Variants in IL1RAPL2 observed in about 807,000 individuals in gnomAD.
IL1RAPL2 encodes X-linked interleukin-1 receptor accessory protein-like 2.
In IL1RAPL2, 3 loss-of-function variants were observed where a neutral mutation model predicts 44.1. The observed-to-expected ratio is 0.07, with a 90% CI of 0.03 to 0.18. The LOEUF (loss-of-function observed/expected upper bound fraction) is 0.18, where lower values mean the gene tolerates loss of function less well. Among genes scored for constraint, IL1RAPL2 ranks in the 10% least tolerant of loss-of-function variants. The probability of loss-of-function intolerance (pLI) is 1.00; values close to 1 mark genes in which losing one functional copy is unlikely to be tolerated. For missense variants in IL1RAPL2, 391 were observed against 496.4 expected (o/e 0.79, Z 2.02); for synonymous variants, 181 against 178.8 (o/e 1.01, Z -0.10).
intron 2 of IL1RAPL2, among the ~76,000 whole-genome samples, chrX:105,160,760 A>G (rs1488768294): frequency 1.8e-5 from 2 of 112,023 alleles, no homozygotes; most frequent in Non-Finnish European, 3.8e-5. Context: ...CCAAAAAGGC[A>G]TCTAGGTTTC....
intron 2 of IL1RAPL2, among the ~76,000 whole-genome samples, chrX:104,896,268 AG>A (rs1156931428): frequency 6.3e-5 from 7 of 111,875 alleles, no homozygotes; most frequent in Non-Finnish European, 9.4e-5. Context: ...GAGGCCGTCA[AG>A]CTACAGATGG....
At chrX:105,702,828 C>A (rs1207019619) in intron 6 of IL1RAPL2, among the ~76,000 whole-genome samples, 2 of 111,763 alleles carry the variant, frequency 1.8e-5, no homozygotes, top group Admixed American at 9.5e-5. Flanking sequence ...ATTCATATTT[C>A]TATGAGCCTT....
chrX:105,279,455 A>G (rs2034512372), intron 5 of IL1RAPL2, among the ~76,000 whole-genome samples: 2 of 111,333 alleles, frequency 1.8e-5, no homozygotes, highest in South Asian at 7.6e-4. Context: ...GTTTGACTGG[A>G]ACAATTTTTT....
intron 2 of IL1RAPL2, among the ~76,000 whole-genome samples, chrX:105,062,714 T>TAA (rs1043756697): frequency 1.7e-4 from 19 of 111,425 alleles, no homozygotes; most frequent in African/African-American, 6.2e-4. Context: ...TATTCTAGGG[T>TAA]AAAAGTATTT....
At chrX:105,705,904 G>C (rs2038162079) in intron 6 of IL1RAPL2, among the ~76,000 whole-genome samples, 1 of 111,677 alleles carries the variant, frequency 9.0e-6, no homozygotes, top group South Asian at 3.7e-4. Context: ...ATACAAAATA[G>C]AGAGATCACT....
At chrX:104,722,194 C>G (rs991330897) in intron 2 of IL1RAPL2, among the ~76,000 whole-genome samples, 1 of 111,322 alleles carries the variant, frequency 9.0e-6, no homozygotes, top group Admixed American at 9.6e-5. Context: ...ATTGCAATTA[C>G]TCAACTCTGC....
At chrX:105,102,479 G>C (rs1165263389) in intron 2 of IL1RAPL2, among the ~76,000 whole-genome samples, 1 of 111,156 alleles carries the variant, frequency 9.0e-6, no homozygotes, top group Non-Finnish European at 1.9e-5. Flanking sequence ...TATTAATCAG[G>C]GTTCTCCAGA....
At chrX:104,905,615 G>C in intron 2 of IL1RAPL2, among the ~76,000 whole-genome samples, 1 of 111,491 alleles carries the variant, frequency 9.0e-6, no homozygotes, top group South Asian at 3.8e-4. Context: ...GATAGTTGTA[G>C]ATATGTGGTG....
At chrX:105,408,672 C>T (rs1257605884) in intron 5 of IL1RAPL2, among the ~76,000 whole-genome samples, 1 of 111,197 alleles carries the variant, frequency 9.0e-6, no homozygotes, top group African/African-American at 3.3e-5. Context: ...TTTTCATAAT[C>T]AATATATGCC....
At chrX:105,380,287 T>G (rs1249368683) in intron 5 of IL1RAPL2, among the ~76,000 whole-genome samples, 1 of 111,561 alleles carries the variant, frequency 9.0e-6, no homozygotes, top group Non-Finnish European at 1.9e-5. Flanking sequence ...AAATGCTCCT[T>G]TGTTGCTGAA....
At chrX:105,105,260 G>A (rs2032724063) in intron 2 of IL1RAPL2, among the ~76,000 whole-genome samples, 1 of 112,053 alleles carries the variant, frequency 8.9e-6, no homozygotes, top group Admixed American at 9.5e-5. Context: ...GTGTCAGGCA[G>A]TGTGCTAGGT....
intron 2 of IL1RAPL2, among the ~76,000 whole-genome samples, chrX:105,015,717 C>G (rs1187114722): frequency 1.8e-5 from 2 of 111,220 alleles, no homozygotes; most frequent in Non-Finnish European, 3.8e-5. Flanking sequence ...GTTACTATAG[C>G]CTTGTAGTAT....
intron 2 of IL1RAPL2, among the ~76,000 whole-genome samples, chrX:105,083,781 C>T (rs1461468268): frequency 1.8e-5 from 2 of 112,024 alleles, no homozygotes; most frequent in Admixed American, 1.9e-4. Flanking sequence ...ATTTTGTCCC[C>T]ACCAGGCCTG....
chrX:104,629,296 T>C (rs1174284433), intron 1 of IL1RAPL2, among the ~76,000 whole-genome samples: 1 of 112,056 alleles, frequency 8.9e-6, no homozygotes, highest in African/African-American at 3.2e-5. Context: ...GAGCAGTTTT[T>C]TTCATATACC....
Position 105,202,575 on chromosome X carries a change from T to G in IL1RAPL2, c.356+6827T>G, listed in dbSNP as rs533303831. Among the ~76,000 whole-genome samples the G allele has an allele frequency of 2.7e-5, 3 of 112,181 alleles. No individual in the cohort carries two copies. In the South Asian group the frequency reaches 1.1e-3, roughly 42 times the overall value. Reference sequence around the variant, plus strand: ...TGCCACTACCTCCTATTTTTCTAGCTCATTTTTTTCTATACCTTACCTCCA... The same window carrying G: ...TGCCACTACCTCCTATTTTTCTAGCGCATTTTTTTCTATACCTTACCTCCA... On this transcript the variant is annotated intron_variant, in intron 3 of 10. Coordinates refer to ENST00000372582, the MANE Select transcript of IL1RAPL2 (RefSeq NM_017416.2).
At chrX:105,365,957 T>C (rs993818938) in intron 5 of IL1RAPL2, among the ~76,000 whole-genome samples, 2 of 108,549 alleles carry the variant, frequency 1.8e-5, no homozygotes, top group Non-Finnish European at 3.8e-5. Flanking sequence ...CTTTCTTTTT[T>C]TTTTTTTGAA....
intron 6 of IL1RAPL2, among the ~76,000 whole-genome samples, chrX:105,552,239 T>C (rs1459365820): frequency 8.9e-6 from 1 of 112,172 alleles, no homozygotes; most frequent in Non-Finnish European, 1.9e-5. Context: ...CATGAAAAGA[T>C]GAAAGATAGT....
intron 2 of IL1RAPL2, among the ~76,000 whole-genome samples, chrX:104,747,293 C>T (rs1161818013): frequency 2.7e-5 from 3 of 111,453 alleles, no homozygotes; most frequent in Non-Finnish European, 3.8e-5. Flanking sequence ...GTAACATTCT[C>T]TGTCTGTTTC....
At chrX:104,723,179 A>G (rs1423831536) in intron 2 of IL1RAPL2, among the ~76,000 whole-genome samples, 2 of 111,260 alleles carry the variant, frequency 1.8e-5, no homozygotes, top group East Asian at 5.7e-4. Context: ...TGAAAATTTA[A>G]ATGTGTGTTA....
Sources: allele counts gnomAD v4.1 joint callset (sites outside exome capture counted in the v4.1 genomes callset), GRCh38; gene constraint gnomAD v4.1.1; transcripts MANE v1.5; gene names NCBI Gene and HGNC (gene_info 2026-07-23, HGNC 2026-07-21).